NIPSNAP3B: variants seen among roughly 807,000 people sequenced by gnomAD.
NIPSNAP3B encodes protein NipSnap homolog 3B.
A neutral mutation model predicts 31.5 loss-of-function variants in NIPSNAP3B; 30 were observed. That is an observed-to-expected ratio of 0.95 (90% CI 0.71 to 1.29). NIPSNAP3B has a LOEUF of 1.29. NIPSNAP3B is among the 50% of genes most tolerant of loss of function. The pLI, the probability that NIPSNAP3B is intolerant of heterozygous loss-of-function variation, is 0.00. For synonymous variants in NIPSNAP3B, 106 were observed against 107.9 expected, an observed-to-expected ratio of 0.98 and a Z score of 0.11; for missense variants, 269 against 300.7, an observed-to-expected ratio of 0.89 and a Z score of 0.78.
In NIPSNAP3B at chr9:104,774,784, T is replaced by A. The variant is rs1284993046; in HGVS notation, c.*1711T>A. Among the ~76,000 whole-genome samples, 2 of 152,226 alleles carry A rather than the reference T, an allele frequency of 1.3e-5. No individual in the cohort carries two copies. The highest frequency in any genetic ancestry group is 2.9e-5 in the Non-Finnish European group (2 of 68,038). ...GAGATTTGCCTTCCAGGGGGTCTAA[T>A]TTGAAGAGGAAAGTAATTTAAATGT... On this transcript the variant is annotated 3_prime_UTR_variant, in exon 6 of 6. Transcript: ENST00000374762.
the NIPSNAP3B span, chr9:104,784,263 A>C: frequency 1.2e-6 from 2 of 1,610,804 alleles, no homozygotes; most frequent in Non-Finnish European, 1.7e-6. Context: ...CATGGTGCAA[A>C]GGAAAGTCTA....
intron 1 of NIPSNAP3B, among the ~76,000 whole-genome samples, 174 bp downstream of exon 1, chr9:104,764,474 G>A (rs1324754568): frequency 6.6e-6 from 1 of 152,246 alleles, no homozygotes; most frequent in East Asian, 1.9e-4. Context: ...GAGGCTACAG[G>A]CCGGGGTCGT....
intron 4 of NIPSNAP3B, 158 bp downstream of exon 4, chr9:104,771,156 A>T: frequency 1.7e-6 from 1 of 590,948 alleles, no homozygotes; most frequent in Non-Finnish European, 2.9e-6. Flanking sequence ...TTTACATCTT[A>T]TTTTTTTAGA....
Position 104,771,369 on chromosome 9 carries a change from A to G in NIPSNAP3B, c.580+371A>G, listed in dbSNP as rs1828214601. The G allele has an allele frequency of 3.8e-5, 6 of 157,070 alleles. No individual in the cohort carries two copies. In the South Asian group the frequency reaches 7.7e-4, roughly 20 times the overall value. The allele number at this position is 157,070 out of a possible 1,614,324, so 9.7% of individuals were successfully genotyped here. A position where few individuals can be genotyped will look rare whatever the true frequency, so the allele number is the denominator to read the frequency against. ...CTTTTCTAATCCTCTCCCTCCTCCC[A>G]TCTTCCATTCTCAAGTAGACCCCAG... On this transcript the variant is annotated intron_variant, in intron 4 of 5. Transcript: ENST00000374762.
chr9:104,767,345 C>A (rs1828110386), intron 2 of NIPSNAP3B, among the ~76,000 whole-genome samples: 1 of 152,080 alleles, frequency 6.6e-6, no homozygotes, highest in African/African-American at 2.4e-5. Flanking sequence ...AGCTGACCTA[C>A]CCCTGGTTTA....
the NIPSNAP3B span, chr9:104,782,992 C>T: frequency 2.0e-5 from 3 of 152,616 alleles, no homozygotes; most frequent in South Asian, 4.1e-4. Flanking sequence ...CTTATACGTA[C>T]GTACATACTC....
intron 1 of NIPSNAP3B, 78 bp from the exon 2 acceptor site, chr9:104,766,247 A>G: frequency 9.0e-7 from 1 of 1,116,428 alleles, no homozygotes; most frequent in South Asian, 1.4e-5. Flanking sequence ...TGTTCCTTGT[A>G]CCAGACTCAG....
At chr9:104,786,094 C>A in the NIPSNAP3B span, among the ~76,000 whole-genome samples, 138,229 of 152,300 alleles carry the variant, frequency 0.91, 62,797 homozygotes, top group East Asian at 1. Flanking sequence ...GTAGTTAAGT[C>A]ACTTGCCCAA....
downstream of NIPSNAP3B, chr9:104,781,303 T>A (rs1337357395): frequency 6.6e-6 from 1 of 152,572 alleles, no homozygotes; most frequent in Non-Finnish European, 1.5e-5. Flanking sequence ...TAAGAAGGGA[T>A]AATAGCATAC....
chr9:104,766,175 T>C (rs1174921805), intron 1 of NIPSNAP3B, 150 bp from the exon 2 acceptor site: 1 of 614,372 alleles, frequency 1.6e-6, no homozygotes, highest in Non-Finnish European at 2.9e-6. Context: ...GACATCTCTA[T>C]GTAAACAAGT....
the NIPSNAP3B span, chr9:104,784,204 T>C: frequency 7.2e-7 from 1 of 1,395,460 alleles, no homozygotes; most frequent in African/African-American, 1.4e-5. Context: ...CAGTATCCAG[T>C]TTACTTCTTC....
At chr9:104,787,715 T>A in the NIPSNAP3B span, 6 of 420,704 alleles carry the variant, frequency 1.4e-5, no homozygotes, top group Non-Finnish European at 1.9e-5. Flanking sequence ...TTGGAGTGCC[T>A]CTATTTGGGA....
At chr9:104,772,323 A>T (rs1017609548) in intron 4 of NIPSNAP3B, among the ~76,000 whole-genome samples, 8 of 149,076 alleles carry the variant, frequency 5.4e-5, no homozygotes, top group Non-Finnish European at 1.2e-4. Context: ...TATCATTGAC[A>T]TAGAAAATTC....
chr9:104,772,420 G>T (rs1223891724), intron 4 of NIPSNAP3B, among the ~76,000 whole-genome samples: 1 of 151,836 alleles, frequency 6.6e-6, no homozygotes, highest in African/African-American at 2.4e-5. Flanking sequence ...TTTTTTAAAG[G>T]AAACACACCA....
downstream of NIPSNAP3B, among the ~76,000 whole-genome samples, chr9:104,778,633 G>A (rs1828384707): frequency 1.3e-5 from 2 of 152,132 alleles, no homozygotes; most frequent in Admixed American, 6.5e-5. Context: ...TCACAAACTA[G>A]AAGTCACCTT....
At chr9:104,790,573 G>A in the NIPSNAP3B span, among the ~76,000 whole-genome samples, 1 of 152,100 alleles carries the variant, frequency 6.6e-6, no homozygotes, top group African/African-American at 2.4e-5. Flanking sequence ...GACAGATGTG[G>A]GGTGATGGAA....
At chr9:104,785,964 C>G in the NIPSNAP3B span, among the ~76,000 whole-genome samples, 1 of 152,154 alleles carries the variant, frequency 6.6e-6, no homozygotes, top group Non-Finnish European at 1.5e-5. Context: ...AGGATGCAAA[C>G]CCATTTGTGT....
chr9:104,788,941 C>G, the NIPSNAP3B span, among the ~76,000 whole-genome samples: 1 of 152,362 alleles, frequency 6.6e-6, no homozygotes, highest in African/African-American at 2.4e-5. Context: ...GCACCATTCA[C>G]ATGCACCAAA....
At chr9:104,766,267 T>G in intron 1 of NIPSNAP3B, 58 bp from the exon 2 acceptor site, 10 of 1,419,938 alleles carry the variant, frequency 7.0e-6, no homozygotes, top group Non-Finnish European at 9.9e-6. Context: ...GATTTGGTTG[T>G]AACCAAATCT....
Sources: gnomAD v4.1 joint callset for allele counts (sites outside exome capture counted in the v4.1 genomes callset) on GRCh38, gnomAD v4.1.1 for gene constraint, MANE v1.5 for transcripts, NCBI Gene and HGNC (gene_info 2026-07-23, HGNC 2026-07-21) for gene names.